Variants in TRIT1 observed in about 807,000 individuals in gnomAD.
TRIT1 encodes tRNA dimethylallyltransferase.
Under a neutral mutation model 51.2 loss-of-function variants are expected in TRIT1, and 43 were observed. The ratio of observed to expected loss-of-function variants is 0.84; its 90% CI spans 0.66 to 1.08. The LOEUF (loss-of-function observed/expected upper bound fraction) is 1.08. Ranked by LOEUF, TRIT1 falls within the 50% of genes least tolerant of loss-of-function variation. The pLI, the probability that TRIT1 is intolerant of heterozygous loss-of-function variation, is 0.00. For missense variants in TRIT1, 528 were observed against 578.4 expected, an observed-to-expected ratio of 0.91 and a Z score of 0.89; for synonymous variants, 184 against 203.9, an observed-to-expected ratio of 0.90 and a Z score of 0.83.
At chr1:39,844,378 AG>A (rs1642100635) in intron 9 of TRIT1, among the ~76,000 whole-genome samples, 152 bp downstream of exon 9, 1 of 152,266 alleles carries the variant, frequency 6.6e-6, no homozygotes, top group South Asian at 2.1e-4. Context: ...ATGTAAAAGT[AG>A]AAAAGCAGTC....
intron 3 of TRIT1, 24 bp from the exon 4 acceptor site, chr1:39,852,900 A>G: frequency 6.2e-7 from 1 of 1,612,616 alleles, no homozygotes; most frequent in Non-Finnish European, 8.5e-7. Context: ...GTTTAGAAGT[A>G]TATTTAATTC....
intron 1 of TRIT1, among the ~76,000 whole-genome samples, chr1:39,861,142 T>C (rs1643217788): frequency 6.6e-6 from 1 of 152,106 alleles, no homozygotes; most frequent in African/African-American, 2.4e-5. Context: ...AAGAAACAGA[T>C]AATAGCAAAT....
chr1:39,862,755 T>C (rs1224294285), intron 1 of TRIT1: 5 of 984,884 alleles, frequency 5.1e-6, no homozygotes, highest in Non-Finnish European at 6.0e-6. Flanking sequence ...AACATTCACA[T>C]GTGAGATTTG....
chr1:39,850,969 G>A lies in TRIT1; in HGVS notation c.561-708C>T, dbSNP rs149556020. ...TATTCTTAAGCCACCATCCACTTCT[G>A]TCCGTATCTATTATGTTATGCAGCA... On this transcript the variant is annotated intron_variant, in intron 4 of 10. Coordinates refer to ENST00000316891, the MANE Select transcript of TRIT1 (RefSeq NM_017646.6). Among the ~76,000 whole-genome samples, 23 of 152,258 alleles carry A rather than the reference G, an allele frequency of 1.5e-4. No individual in the cohort carries two copies. In the East Asian group the frequency reaches 4.4e-3, roughly 29 times the overall value.
At position 39,872,068 on chromosome 1, in the gene TRIT1, A is replaced by ATTTTTT. The variant is rs59839907; in HGVS notation, c.174+11244_174+11249dup. 8.8e-4 allele frequency among the ~76,000 whole-genome samples: 100 copies of ATTTTTT among 114,204 alleles called. 1 individual carries two copies. The highest frequency in any genetic ancestry group is 4.8e-3 in the East Asian group (15 of 3,100). The allele number at this position is 114,204 out of a possible 152,430, so 74.9% of individuals were successfully genotyped here. A position where few individuals can be genotyped will look rare whatever the true frequency, so the allele number is the denominator to read the frequency against. ...AGGTATGTGCTACCAGGCCTGACTA[A>ATTTTTT]TTTTTTTTTTTTTTTTTTTTTTTGT... On this transcript the variant is annotated intron_variant, in intron 1 of 10. Coordinates refer to ENST00000316891, the MANE Select transcript of TRIT1 (RefSeq NM_017646.6).
At chr1:39,844,992 C>G (rs1167703877) in intron 8 of TRIT1, among the ~76,000 whole-genome samples, 1 of 152,228 alleles carries the variant, frequency 6.6e-6, no homozygotes, top group Admixed American at 6.5e-5. Context: ...AGTGCCTATT[C>G]TAAGTTCCAT....
In TRIT1 at chr1:39,838,570, C is replaced by T. The variant is rs1316264130; in HGVS notation, c.*3174G>A. On this transcript the variant is annotated 3_prime_UTR_variant, in exon 11 of 11. Coordinates refer to ENST00000316891, the MANE Select transcript of TRIT1 (RefSeq NM_017646.6). ...CACTGAAGCCTCAATCTCCCAGGCCCAAGCCATCCTCCTACCTGAGCCTTC... is the reference window on the plus strand; with the variant it reads ...CACTGAAGCCTCAATCTCCCAGGCCTAAGCCATCCTCCTACCTGAGCCTTC... Among the ~76,000 whole-genome samples the T allele has an allele frequency of 6.6e-6, 1 of 152,148 alleles. No homozygotes were observed. Among genetic ancestry groups the T allele is most frequent in the Non-Finnish European group, 1.5e-5 (1 of 68,030 alleles).
At chr1:39,869,781 G>A (rs1024560154) in intron 1 of TRIT1, among the ~76,000 whole-genome samples, 3 of 150,204 alleles carry the variant, frequency 2.0e-5, no homozygotes, top group African/African-American at 7.4e-5. Flanking sequence ...GGTGAGGAGC[G>A]TCTCTGCCCG....
chr1:39,844,481 G>C, intron 9 of TRIT1, 50 bp downstream of exon 9: 1 of 1,441,790 alleles, frequency 6.9e-7, no homozygotes, highest in Non-Finnish European at 9.8e-7. Flanking sequence ...GTCAGCTAAT[G>C]AAAGTGCTCT....
In TRIT1 at chr1:39,840,917, C is replaced by G. The variant is rs1382012575; in HGVS notation, c.*827G>C. On this transcript the variant is annotated 3_prime_UTR_variant, in exon 11 of 11. Transcript: ENST00000316891. ...GGACTATAACGTGTTAAATAAACAC[C>G]CGCTACATAAATGAACAGACAGCAT... is the stretch of plus-strand genomic sequence containing the variant. 6.6e-6 allele frequency: 1 copy of G among 152,062 alleles called. No homozygotes were observed. The highest frequency in any genetic ancestry group is 2.4e-5 in the African/African-American group (1 of 41,402). The allele number at this position is 152,062 out of a possible 1,614,324, so 9.4% of individuals were successfully genotyped here.
At chr1:39,864,790 T>A (rs1309183566) in intron 1 of TRIT1, among the ~76,000 whole-genome samples, 2 of 152,080 alleles carry the variant, frequency 1.3e-5, no homozygotes, top group African/African-American at 4.8e-5. Context: ...AGTGTGCTAA[T>A]CAGCAGCAGT....
At chr1:39,869,052 CTCTG>C (rs1250037606) in intron 1 of TRIT1, among the ~76,000 whole-genome samples, 1 of 152,056 alleles carries the variant, frequency 6.6e-6, no homozygotes, top group Non-Finnish European at 1.5e-5. Flanking sequence ...AAGAGCAAAA[CTCTG>C]TCTGAAAAAA....
chr1:39,873,647 T>C (rs963482289), intron 1 of TRIT1, among the ~76,000 whole-genome samples: 9 of 152,182 alleles, frequency 5.9e-5, no homozygotes, highest in Admixed American at 5.2e-4. Context: ...ACCATGATGA[T>C]GTAAGATATT....
intron 1 of TRIT1, among the ~76,000 whole-genome samples, chr1:39,864,038 C>A (rs1643396369): frequency 6.6e-6 from 1 of 151,938 alleles, no homozygotes; most frequent in South Asian, 2.1e-4. Context: ...ATTATAGGTA[C>A]CTGCCACCAC....
At position 39,852,801 on chromosome 1, in the gene TRIT1, T is replaced by A. The variant is rs754911817; in HGVS notation, c.490A>T (p.Lys164Ter). Residue 164 changes from lysine (K) to a stop codon, truncating the protein, a stop_gained, in exon 4 of 11, where the codon AAA becomes TAA. Transcript: ENST00000316891. LOFTEE classifies it high-confidence loss of function. ...LEKEDGLVLH[K>*]RLSQVDPEMA... ...TCTGGGTCCACCTGGCTTAGGCGTTTGTGAAGTACAAGACCATCCTCCTTT... is the reference window on the plus strand; with the variant it reads ...TCTGGGTCCACCTGGCTTAGGCGTTAGTGAAGTACAAGACCATCCTCCTTT... The A allele has an allele frequency of 1.1e-5, 17 of 1,614,232 alleles. No homozygotes were observed. The Admixed American group carries it at 2.8e-4, about 27-fold the overall frequency.
At chr1:39,869,248 G>T (rs574961174) in intron 1 of TRIT1, among the ~76,000 whole-genome samples, 1 of 152,156 alleles carries the variant, frequency 6.6e-6, no homozygotes, top group African/African-American at 2.4e-5. Context: ...GATTGCAGGC[G>T]CACGCCGCCA....
chr1:39,841,560 G>T lies in TRIT1; in HGVS notation c.*184C>A. ...CATCAGCCACACAAGGAGCTGACAA[G>T]ACCTGCTGTTTCTATTATAGAGAAC... On this transcript the variant is annotated 3_prime_UTR_variant, in exon 11 of 11. Coordinates refer to ENST00000316891, the MANE Select transcript of TRIT1 (RefSeq NM_017646.6). 1.9e-6 allele frequency: 1 copy of T among 532,284 alleles called. No homozygotes were observed. Among genetic ancestry groups the T allele is most frequent in the Non-Finnish European group, 3.2e-6 (1 of 313,040 alleles). 33.0% of individuals were successfully genotyped at this position (532,284 alleles called of 1,614,324 possible). A position where few individuals can be genotyped will look rare whatever the true frequency, so the allele number is the denominator to read the frequency against.
rs540772359 is a variant in TRIT1 at position 39,842,414 on chromosome 1, A to G, written c.1235-501T>C. On this transcript the variant is annotated intron_variant, in intron 10 of 10. Transcript: ENST00000316891. ...CAAATCCTCATCTGTATTGCAGGGC[A>G]TTGCCTGTTGTCCTTCCTGGTCTGG... 9.2e-5 allele frequency among the ~76,000 whole-genome samples: 14 copies of G among 152,104 alleles called. No individual in the cohort carries two copies. The South Asian group carries it at 2.9e-3, about 32-fold the overall frequency.
rs1419882306 is a variant in TRIT1, at chr1:39,844,417, TC to T, written c.1116+113del. On this transcript the variant is annotated intron_variant, in intron 9 of 10. Coordinates refer to ENST00000316891, the MANE Select transcript of TRIT1 (RefSeq NM_017646.6). The stretch of plus-strand genomic sequence containing the variant: ...CAGGTATTAAAAAGCAGCCAGCCCT[TC>T]TGCTTTATTCTATGGAAAAGAAGGC... 3.9e-5 allele frequency: 36 copies of T among 922,570 alleles called. 1 individual carries two copies. The highest frequency in any genetic ancestry group is 3.8e-5 in the Non-Finnish European group (22 of 584,254). The allele number at this position is 922,570 out of a possible 1,614,324, so 57.1% of individuals were successfully genotyped here.
Sources: allele counts gnomAD v4.1 joint callset (sites outside exome capture counted in the v4.1 genomes callset), GRCh38; gene constraint gnomAD v4.1.1; transcripts MANE v1.5; gene names NCBI Gene and HGNC (gene_info 2026-07-23, HGNC 2026-07-21).